SLC45A3: variants seen among roughly 807,000 people sequenced by gnomAD.
SLC45A3 encodes the protein prostate cancer associated protein 2.
SLC45A3 carries 17 observed loss-of-function variants against 35.3 expected under a neutral mutation model. The ratio of observed to expected loss-of-function variants is 0.48; its 90% CI spans 0.33 to 0.72. SLC45A3 has a LOEUF of 0.72. Ranked by LOEUF, SLC45A3 falls within the 30% of genes least tolerant of loss-of-function variation. The pLI is 0.02. For missense variants in SLC45A3, 597 were observed against 731.7 expected (o/e 0.82, Z 2.12); for synonymous variants, 288 against 334.3 (o/e 0.86, Z 1.51).
At position 205,663,615 on chromosome 1, in the gene SLC45A3, A is replaced by G. The variant is rs780157537; in HGVS notation, c.176T>C (p.Ile59Thr). 2 of 1,568,690 alleles carry G rather than the reference A, an allele frequency of 1.3e-6. No individual in the cohort carries two copies. The highest frequency in any genetic ancestry group is 2.7e-5 in the African/African-American group (2 of 73,480). The change falls in exon 3 of 5, where the codon ATT becomes ACT. Residue 59 changes from isoleucine to threonine, a missense_variant. Physicochemically the swap from Ile to Thr is moderately conservative, Grantham distance 89. Transcript: ENST00000367145. ...EEKFMTMVLG[I>T]GPVLGLVCVP... ...ACAGACCAGGCCCAGCACTGGACCA[A>G]TGCCTGCAAGAAGGGAAGTAGTATG... is the stretch of plus-strand genomic sequence containing the variant.
intron 1 of SLC45A3, among the ~76,000 whole-genome samples, chr1:205,667,189 A>C (rs960534947): frequency 6.6e-6 from 1 of 151,848 alleles, no homozygotes; most frequent in South Asian, 2.1e-4. Context: ...GGCAACATAG[A>C]AAGACCCTGT....
chr1:205,669,811 T>C lies in SLC45A3; in HGVS notation c.-230-4925A>G, dbSNP rs1361154380. Among the ~76,000 whole-genome samples, 3 of 152,132 alleles carry C rather than the reference T, an allele frequency of 2.0e-5. No individual in the cohort carries two copies. The highest frequency in any genetic ancestry group is 4.4e-5 in the Non-Finnish European group (3 of 68,026). On this transcript the variant is annotated intron_variant, in intron 1 of 4. Coordinates refer to ENST00000367145, the MANE Select transcript of SLC45A3 (RefSeq NM_033102.3). This position sits in a 1 kb window ranked among gnomAD's most constrained non-coding sequence, Gnocchi z 4.1. ...GGGGCTGGTGAGGCACGAGGAATAA[T>C]GACTCAGCTGAGGAAAGCGGGTGGG...
At chr1:205,668,954 C>T (rs987373452) in intron 1 of SLC45A3, among the ~76,000 whole-genome samples, 4 of 152,112 alleles carry the variant, frequency 2.6e-5, no homozygotes, top group East Asian at 1.9e-4. Flanking sequence ...CCTGGATCCC[C>T]GCTGCACCCC....
intron 1 of SLC45A3, among the ~76,000 whole-genome samples, chr1:205,672,607 T>C (rs139956729): frequency 2.6e-5 from 4 of 152,344 alleles, no homozygotes; most frequent in African/African-American, 4.8e-5. Context: ...GAACGTAACA[T>C]GCCCAAGGTT....
intron 4 of SLC45A3, 108 bp downstream of exon 4, chr1:205,661,753 A>T: frequency 6.9e-7 from 1 of 1,456,832 alleles, no homozygotes; most frequent in Non-Finnish European, 9.2e-7. Context: ...TGATTCAAAG[A>T]AGCATTCTCC....
At position 205,661,997 on chromosome 1, in the gene SLC45A3, G is replaced by C; in HGVS notation, c.1088C>G (p.Pro363Arg). 1 of 1,614,150 alleles carries C rather than the reference G, an allele frequency of 6.2e-7. No homozygotes were observed. Among genetic ancestry groups the C allele is most frequent in the Non-Finnish European group, 8.5e-7 (1 of 1,180,046 alleles). The change falls in exon 4 of 5, where the codon CCT becomes CGT. Residue 363 changes from proline to arginine, a missense_variant. Pro to Arg is a moderately radical substitution (Grantham distance 103). Transcript: ENST00000367145. ...AVYLASVAAF[P>R]VAAGATCLSH... The stretch of plus-strand genomic sequence containing the variant: ...CAGGCATGTGGCACCGGCAGCCACA[G>C]GGAAAGCTGCCACACTGGCCAAATA...
chr1:205,670,930 C>T (rs931155044), intron 1 of SLC45A3, among the ~76,000 whole-genome samples: 4 of 152,220 alleles, frequency 2.6e-5, no homozygotes, highest in South Asian at 2.1e-4. Context: ...TCCCTCCCCC[C>T]ACTCACCCCC....
chr1:205,675,288 G>A (rs1315371117), intron 1 of SLC45A3, among the ~76,000 whole-genome samples: 1 of 152,210 alleles, frequency 6.6e-6, no homozygotes, highest in African/African-American at 2.4e-5. Context: ...CCAGGAGAAA[G>A]AGTAATATTT....
At chr1:205,679,685 AACACAC>A (rs55762304) in intron 1 of SLC45A3, among the ~76,000 whole-genome samples, 2,286 of 138,816 alleles carry the variant, frequency 0.016, 29 homozygotes, top group Middle Eastern at 0.096. Context: ...GGGACACAGT[AACACAC>A]ACACACACAC....
intron 1 of SLC45A3, among the ~76,000 whole-genome samples, chr1:205,668,183 C>T (rs897642310): frequency 6.6e-6 from 1 of 152,138 alleles, no homozygotes; most frequent in Non-Finnish European, 1.5e-5. Context: ...ACACTACCCT[C>T]CAAAGCCCCC....
At chr1:205,668,656 C>G (rs1184018225) in intron 1 of SLC45A3, among the ~76,000 whole-genome samples, 3 of 152,142 alleles carry the variant, frequency 2.0e-5, no homozygotes, top group Non-Finnish European at 2.9e-5. Context: ...GAAGAGCCAG[C>G]CTCAGAGCGT....
At chr1:205,674,991 C>T (rs886380343) in intron 1 of SLC45A3, among the ~76,000 whole-genome samples, 2 of 152,226 alleles carry the variant, frequency 1.3e-5, no homozygotes, top group South Asian at 2.1e-4. Flanking sequence ...GCTGGGATTA[C>T]AGGCGTGAGC....
chr1:205,660,374 C>G (rs545158202), intron 4 of SLC45A3, among the ~76,000 whole-genome samples: 73 of 152,234 alleles, frequency 4.8e-4, no homozygotes, highest in Middle Eastern at 3.4e-3. Context: ...CGACCACCAT[C>G]CCCCCAACCC....
In SLC45A3 at chr1:205,662,902, C is replaced by A; in HGVS notation, c.889G>T (p.Gly297Cys). The A allele has an allele frequency of 6.2e-7, 1 of 1,613,006 alleles. No individual in the cohort carries two copies. Among genetic ancestry groups the A allele is most frequent in the Non-Finnish European group, 8.5e-7 (1 of 1,179,838 alleles). ...GGCACGCCCTGGTACAGCCCCTCGC[C>A]CACGAAATCCGTGTAAAACAGCGTG... ...TFTLFYTDFV[G>C]EGLYQGVPRA... is the part of the protein sequence containing the mutation. The change falls in exon 3 of 5, where the codon GGC becomes TGC. Residue 297 changes from glycine to cysteine, a missense_variant. Physicochemically the swap from Gly to Cys is radical, Grantham distance 159. Around this residue, in one of 3 missense-constraint regions of SLC45A3, gnomAD observed 555 missense variants for 664.9 expected, o/e 0.83. Transcript: ENST00000367145. The surrounding 1 kb of genome is among the most constrained non-coding windows in gnomAD (Gnocchi z 6.2).
rs1438015037 is a variant in SLC45A3, at chr1:205,664,788, T to C, written c.-132A>G. 2.6e-5 allele frequency: 38 copies of C among 1,447,102 alleles called. No individual in the cohort carries two copies. The highest frequency in any genetic ancestry group is 2.5e-4 in the Middle Eastern group (1 of 3,926). The allele number at this position is 1,447,102 out of a possible 1,614,324, so 89.6% of individuals were successfully genotyped here. Reference sequence around the variant, plus strand: ...TGCCTAGGAATCAGCCAGGCGCCCATTTCTGCCAGCCCTTTGGTGCCGGTC... The same window carrying C: ...TGCCTAGGAATCAGCCAGGCGCCCACTTCTGCCAGCCCTTTGGTGCCGGTC... On this transcript the variant is annotated 5_prime_UTR_variant, in exon 2 of 5. It removes an upstream start codon present in the reference 5' UTR. Coordinates refer to ENST00000367145, the MANE Select transcript of SLC45A3 (RefSeq NM_033102.3). The surrounding 1 kb of genome is among the most constrained non-coding windows in gnomAD (Gnocchi z 5.3).
chr1:205,679,636 C>T (rs1285498411), intron 1 of SLC45A3, among the ~76,000 whole-genome samples: 1 of 151,608 alleles, frequency 6.6e-6, no homozygotes, highest in African/African-American at 2.4e-5. Context: ...AAACAGCGGC[C>T]TTTCTCTCCC....
rs890348896 is a variant in SLC45A3 at position 205,662,861 on chromosome 1, G to A, written c.930C>T (p.Gly310=). 2 of 1,603,880 alleles carry A rather than the reference G, an allele frequency of 1.2e-6. No individual in the cohort carries two copies. The highest frequency in any genetic ancestry group is 2.1e-4 in the Middle Eastern group (1 of 4,744). Residue 310 remains glycine (G), a synonymous_variant, in exon 3 of 5, where the codon GGC becomes GGT. Coordinates refer to ENST00000367145, the MANE Select transcript of SLC45A3 (RefSeq NM_033102.3). The surrounding 1 kb of genome is among the most constrained non-coding windows in gnomAD (Gnocchi z 6.2). ...CATCATAGTGTCTCCGGGCCTCGGT[G>A]CCCGGCTCAGCTCTGGGCACGCCCT... ...LYQGVPRAEP[G]TEARRHYDEG...
Position 205,669,098 on chromosome 1 carries a change from G to A in SLC45A3, c.-230-4212C>T, listed in dbSNP as rs1395845262. Among the ~76,000 whole-genome samples the A allele has an allele frequency of 1.3e-5, 2 of 152,184 alleles. No homozygotes were observed. The highest frequency in any genetic ancestry group is 2.9e-5 in the Non-Finnish European group (2 of 68,038). The stretch of plus-strand genomic sequence containing the variant: ...GAATGGCTAAGAGCAAGGGGTGGCA[G>A]TAGAAGCAAGGGTGAGGGCTTAAGT... On this transcript the variant is annotated intron_variant, in intron 1 of 4. Coordinates refer to ENST00000367145, the MANE Select transcript of SLC45A3 (RefSeq NM_033102.3). This position sits in a 1 kb window ranked among gnomAD's most constrained non-coding sequence, Gnocchi z 4.1.
intron 1 of SLC45A3, among the ~76,000 whole-genome samples, chr1:205,679,378 G>C (rs1425632835): frequency 6.6e-6 from 1 of 152,132 alleles, no homozygotes; most frequent in Non-Finnish European, 1.5e-5. Context: ...GGAAGATGGA[G>C]GCTGATTCAG....
Sources: allele counts gnomAD v4.1 joint callset (sites outside exome capture counted in the v4.1 genomes callset), GRCh38; gene constraint gnomAD v4.1.1; regional missense constraint gnomAD v4.1.1; non-coding constraint Gnocchi (gnomAD v3.1); transcripts MANE v1.5; gene names NCBI Gene and HGNC (gene_info 2026-07-23, HGNC 2026-07-21).